LIN28B: variants seen among roughly 807,000 people sequenced by gnomAD.
LIN28B encodes the protein protein lin-28 homolog B.
In LIN28B, 5 loss-of-function variants were observed where a neutral mutation model predicts 21.9. The observed-to-expected ratio is 0.23, with a 90% CI of 0.12 to 0.48. LIN28B has a LOEUF of 0.48. Among genes scored for constraint, LIN28B ranks in the 20% least tolerant of loss-of-function variants. The probability of loss-of-function intolerance (pLI) is 0.98; values close to 1 mark genes in which losing one functional copy is unlikely to be tolerated. For missense variants in LIN28B, 245 were observed against 310.5 expected (o/e 0.79, Z 1.58); for synonymous variants, 109 against 111.3 (o/e 0.98, Z 0.13).
chr6:105,054,146 A>G (rs1260378255), intron 3 of LIN28B, among the ~76,000 whole-genome samples: 2 of 152,192 alleles, frequency 1.3e-5, no homozygotes, highest in Non-Finnish European at 1.5e-5. Context: ...TTTAAAATCA[A>G]ACCTGATGAT....
intron 2 of LIN28B, among the ~76,000 whole-genome samples, chr6:105,013,383 T>C (rs183087028): frequency 1.3e-5 from 2 of 152,216 alleles, no homozygotes; most frequent in East Asian, 1.9e-4. Context: ...ATTTTCTATT[T>C]ATGTATCTTT....
At chr6:104,942,964 T>C (rs981000274) in intron 2 of LIN28B, among the ~76,000 whole-genome samples, 1 of 152,020 alleles carries the variant, frequency 6.6e-6, no homozygotes, top group Non-Finnish European at 1.5e-5. Flanking sequence ...CTTGTCAGAC[T>C]GTATGGTGTC....
chr6:104,965,776 A>G (rs748791766), intron 2 of LIN28B, among the ~76,000 whole-genome samples: 6 of 152,238 alleles, frequency 3.9e-5, no homozygotes, highest in Non-Finnish European at 5.9e-5. Flanking sequence ...TTGTTGTAAC[A>G]TAAGATTTTA....
chr6:104,991,754 C>T (rs1770485678), intron 2 of LIN28B, among the ~76,000 whole-genome samples: 1 of 152,228 alleles, frequency 6.6e-6, no homozygotes, highest in South Asian at 2.1e-4. Flanking sequence ...ACTCCGTCTG[C>T]AATCCCGGCA....
At chr6:104,978,213 A>G (rs1770143979) in intron 2 of LIN28B, among the ~76,000 whole-genome samples, 1 of 152,172 alleles carries the variant, frequency 6.6e-6, no homozygotes, top group Non-Finnish European at 1.5e-5. Context: ...ATTTGTTACT[A>G]TAGTTTATCG....
At chr6:105,024,107 G>A (rs1487598720) in intron 2 of LIN28B, among the ~76,000 whole-genome samples, 2 of 152,016 alleles carry the variant, frequency 1.3e-5, no homozygotes, top group African/African-American at 4.8e-5. Context: ...TTCTGCCTCA[G>A]CCTCCCAAGT....
intron 3 of LIN28B, among the ~76,000 whole-genome samples, chr6:105,042,447 G>A (rs935621457): frequency 4.6e-5 from 7 of 151,986 alleles, no homozygotes; most frequent in Non-Finnish European, 2.9e-5. Context: ...TTGTTTATAT[G>A]TTTCTTTACT....
chr6:104,974,554 C>A (rs938756243), intron 2 of LIN28B, among the ~76,000 whole-genome samples: 1 of 150,706 alleles, frequency 6.6e-6, no homozygotes, highest in South Asian at 2.1e-4. Flanking sequence ...CTCTATAAAC[C>A]GTAGTGTAAA....
chr6:104,955,703 G>A (rs1207383826), upstream of LIN28B, among the ~76,000 whole-genome samples: 2 of 151,278 alleles, frequency 1.3e-5, no homozygotes, highest in East Asian at 1.9e-4. Flanking sequence ...GGGTCAACTC[G>A]GTAGCTTTGT....
chr6:105,049,298 G>A (rs1771841071), intron 3 of LIN28B, among the ~76,000 whole-genome samples: 1 of 152,166 alleles, frequency 6.6e-6, no homozygotes, highest in African/African-American at 2.4e-5. Flanking sequence ...CAGTTTCCAT[G>A]TAGTTGAGCG....
intron 3 of LIN28B, 78 bp downstream of exon 3, chr6:105,026,560 A>G: frequency 2.2e-6 from 2 of 926,718 alleles, no homozygotes; most frequent in Non-Finnish European, 3.3e-6. Flanking sequence ...ATCTTACTGC[A>G]TTTCATATTG....
chr6:105,078,316 CTTATCTCA>C (rs1772474690), intron 3 of LIN28B, 90 bp from the exon 4 acceptor site: 2 of 1,094,360 alleles, frequency 1.8e-6, no homozygotes, highest in African/African-American at 3.1e-5. Flanking sequence ...TTAAAATAAG[CTTATCTCA>C]TTGGTAGTTT....
At chr6:105,075,447 A>T (rs148094117) in intron 3 of LIN28B, among the ~76,000 whole-genome samples, 1 of 152,320 alleles carries the variant, frequency 6.6e-6, no homozygotes, top group Non-Finnish European at 1.5e-5. Context: ...ACTCTTAGTA[A>T]GAGTGATTGA....
At chr6:104,978,716 A>G (rs898167835) in intron 2 of LIN28B, among the ~76,000 whole-genome samples, 1 of 152,188 alleles carries the variant, frequency 6.6e-6, no homozygotes, top group African/African-American at 2.4e-5. Flanking sequence ...GGAATAAAAG[A>G]CAGAAATTGG....
chr6:104,955,416 CA>C (rs796890559), upstream of LIN28B, among the ~76,000 whole-genome samples: 248 of 141,706 alleles, frequency 1.8e-3, 1 homozygote, highest in African/African-American at 3.8e-3. Flanking sequence ...GAATAACAGA[CA>C]AAAAAAAAAA....
At chr6:104,997,554 CCA>C (rs949010921) in intron 2 of LIN28B, among the ~76,000 whole-genome samples, 1 of 150,806 alleles carries the variant, frequency 6.6e-6, no homozygotes, top group Non-Finnish European at 1.5e-5. Context: ...CCCCCCCCCG[CCA>C]CACACACACG....
chr6:105,050,608 CAAAAAAAAAAA>C (rs61464567), intron 3 of LIN28B, among the ~76,000 whole-genome samples: 12 of 47,606 alleles, frequency 2.5e-4, no homozygotes, highest in Admixed American at 7.6e-4. Flanking sequence ...GACTCCGTCT[CAAAAAAAAAAA>C]AAAAAAAAAA....
At chr6:104,982,876 G>T (rs1417336593) in intron 2 of LIN28B, among the ~76,000 whole-genome samples, 3 of 152,138 alleles carry the variant, frequency 2.0e-5, no homozygotes, top group Non-Finnish European at 4.4e-5. Flanking sequence ...ATAGCTTGCT[G>T]TAACCTCAAG....
intron 2 of LIN28B, among the ~76,000 whole-genome samples, chr6:104,991,240 C>T (rs1470380057): frequency 1.3e-5 from 2 of 151,324 alleles, no homozygotes; most frequent in African/African-American, 4.9e-5. Context: ...GGGCTGCCCC[C>T]TGCCTCCCTC....
Sources: allele counts gnomAD v4.1 joint callset (sites outside exome capture counted in the v4.1 genomes callset), GRCh38; gene constraint gnomAD v4.1.1; transcripts MANE v1.5; gene names NCBI Gene and HGNC (gene_info 2026-07-23, HGNC 2026-07-21).